ADAMTS17: variants seen among roughly 807,000 people sequenced by gnomAD.
ADAMTS17 encodes the protein ADAM metallopeptidase with thrombospondin type 1 motif 17.
In ADAMTS17, 113 loss-of-function variants were observed where a neutral mutation model predicts 141.5. The observed-to-expected ratio is 0.80, with a 90% CI of 0.69 to 0.93. ADAMTS17 has a LOEUF of 0.93. Ranked by LOEUF, ADAMTS17 falls within the 40% of genes least tolerant of loss-of-function variation. ADAMTS17 has a pLI of 0.00. For synonymous variants in ADAMTS17, 768 were observed against 630.6 expected, an observed-to-expected ratio of 1.22 and a Z score of -3.27; for missense variants, 1,659 against 1,517.9, an observed-to-expected ratio of 1.09 and a Z score of -1.54.
In ADAMTS17 at chr15:100,073,565, A is replaced by G. The variant is rs548980350; in HGVS notation, c.2138-19511T>C. Among the ~76,000 whole-genome samples the G allele has an allele frequency of 2.1e-3, 312 of 152,136 alleles. 1 individual carries two copies. Among genetic ancestry groups the G allele is most frequent in the African/African-American group, 7.0e-3 (290 of 41,442 alleles). On this transcript the variant is annotated intron_variant, in intron 15 of 21. Transcript: ENST00000268070. Reference sequence around the variant, plus strand: ...TAAAAAAATGTGGCACATATACACCATGGAATACTATGCAGCCATAAAAAA... The same window carrying G: ...TAAAAAAATGTGGCACATATACACCGTGGAATACTATGCAGCCATAAAAAA...
intron 17 of ADAMTS17, 55 bp downstream of exon 17, chr15:100,051,517 C>A: frequency 1.9e-6 from 3 of 1,611,148 alleles, no homozygotes; most frequent in Non-Finnish European, 2.5e-6. Context: ...AGATGCCTTT[C>A]TCCTTCCTTC....
At chr15:100,068,891 G>C (rs550374444) in intron 15 of ADAMTS17, among the ~76,000 whole-genome samples, 1 of 152,286 alleles carries the variant, frequency 6.6e-6, no homozygotes, top group South Asian at 2.1e-4. Context: ...AGGGAACAAA[G>C]GGACAGAGAA....
intron 3 of ADAMTS17, among the ~76,000 whole-genome samples, chr15:100,309,124 G>C (rs1205046668): frequency 1.3e-5 from 2 of 152,252 alleles, no homozygotes; most frequent in Non-Finnish European, 2.9e-5. Flanking sequence ...CACTTTGGGA[G>C]GCAGAGGTGG....
chr15:100,182,982 ATTCTTT>A lies in ADAMTS17; in HGVS notation c.1181+16330_1181+16335del, dbSNP rs953617532. On this transcript the variant is annotated intron_variant, in intron 8 of 21. Transcript: ENST00000268070. Reference sequence around the variant, plus strand: ...ACAATCTTTATCCTTTGCTTCTGGGATTCTTTTTCTTTTTCTTTTTTTTTGAGACAG... The same window carrying A: ...ACAATCTTTATCCTTTGCTTCTGGGATTCTTTTTCTTTTTTTTTGAGACAG... 2.8e-4 allele frequency among the ~76,000 whole-genome samples: 43 copies of A among 151,450 alleles called. 3 individuals carry two copies. Among genetic ancestry groups the A allele is most frequent in the African/African-American group, 2.4e-5 (1 of 41,154 alleles).
chr15:99,992,914 T>C (rs1596175141), intron 20 of ADAMTS17, 134 bp downstream of exon 20: 2 of 1,138,134 alleles, frequency 1.8e-6, no homozygotes, highest in Admixed American at 2.0e-5. Context: ...TTGCAGCGGG[T>C]GGAAGGAAAA....
At chr15:100,015,791 T>C (rs1380461459) in intron 18 of ADAMTS17, among the ~76,000 whole-genome samples, 1 of 152,236 alleles carries the variant, frequency 6.6e-6, no homozygotes, top group Non-Finnish European at 1.5e-5. Flanking sequence ...GTCTCACAGC[T>C]CTTAAGATTC....
At chr15:100,204,609 T>TCC (rs1399033274) in intron 7 of ADAMTS17, among the ~76,000 whole-genome samples, 1 of 152,212 alleles carries the variant, frequency 6.6e-6, no homozygotes, top group Non-Finnish European at 1.5e-5. Context: ...GACCCCTACC[T>TCC]CACACCACAT....
intron 3 of ADAMTS17, among the ~76,000 whole-genome samples, chr15:100,292,471 A>G (rs2044675591): frequency 7.1e-6 from 1 of 141,016 alleles, no homozygotes; most frequent in Non-Finnish European, 1.5e-5. Flanking sequence ...TATGAGAGAT[A>G]CTCACCCCGT....
intron 15 of ADAMTS17, among the ~76,000 whole-genome samples, chr15:100,068,235 A>C (rs1005468366): frequency 2.6e-5 from 4 of 152,140 alleles, no homozygotes; most frequent in African/African-American, 9.7e-5. Flanking sequence ...AGGCTTGAGT[A>C]GGTAAACAAA....
chr15:100,011,061 C>T (rs1356283213), intron 18 of ADAMTS17, among the ~76,000 whole-genome samples: 1 of 151,758 alleles, frequency 6.6e-6, no homozygotes, highest in Non-Finnish European at 1.5e-5. Context: ...ACAACGTTGT[C>T]TTTTGCTAAC....
rs1596271896 is a variant in ADAMTS17, at chr15:100,033,917, A to G, written c.2591+14940T>C. ...CACGATCACCTCCTTCCATTTCCACACCACAGCCATGGCTTCAGAGCAGAT... is the reference window on the plus strand; with the variant it reads ...CACGATCACCTCCTTCCATTTCCACGCCACAGCCATGGCTTCAGAGCAGAT... On this transcript the variant is annotated intron_variant, in intron 18 of 21. Transcript: ENST00000268070. Among the ~76,000 whole-genome samples, 4 of 152,134 alleles carry G rather than the reference A, an allele frequency of 2.6e-5. No individual in the cohort carries two copies. In the South Asian group the frequency reaches 8.3e-4, roughly 32 times the overall value.
chr15:100,217,057 C>G (rs1302905110), intron 7 of ADAMTS17, among the ~76,000 whole-genome samples: 5 of 152,112 alleles, frequency 3.3e-5, no homozygotes, highest in African/African-American at 1.2e-4. Context: ...AAATTTATAA[C>G]TAGACAACAG....
chr15:100,174,791 G>A (rs954672312), intron 8 of ADAMTS17, among the ~76,000 whole-genome samples: 1 of 152,172 alleles, frequency 6.6e-6, no homozygotes, highest in African/African-American at 2.4e-5. Context: ...TTCAAGCAAG[G>A]CACTGAAAGG....
rs942650617 is a variant in ADAMTS17, at chr15:100,341,684, C to T, written c.79+137G>A. On this transcript the variant is annotated intron_variant, in intron 1 of 21. Transcript: ENST00000268070. ...GAGCCACCCGATTCCCGTACTCCGGCCGCGGCCCGCGCCTCCTCCGCTCGG... is the reference window on the plus strand; with the variant it reads ...GAGCCACCCGATTCCCGTACTCCGGTCGCGGCCCGCGCCTCCTCCGCTCGG... 10 of 1,154,124 alleles carry T rather than the reference C, an allele frequency of 8.7e-6. No homozygotes were observed. The Admixed American group carries it at 3.3e-4, about 38-fold the overall frequency. 71.5% of individuals were successfully genotyped at this position (1,154,124 alleles called of 1,614,324 possible). A position where few individuals can be genotyped will look rare whatever the true frequency, so the allele number is the denominator to read the frequency against.
chr15:100,329,566 A>G (rs911269562), intron 3 of ADAMTS17, among the ~76,000 whole-genome samples: 2 of 151,522 alleles, frequency 1.3e-5, no homozygotes, highest in African/African-American at 4.9e-5. Flanking sequence ...AAATCCACAC[A>G]CAACCAACTG....
intron 3 of ADAMTS17, among the ~76,000 whole-genome samples, chr15:100,323,877 C>T (rs12903396): frequency 0.39 from 59,196 of 151,698 alleles, 12,357 homozygotes; most frequent in Middle Eastern, 0.53. Flanking sequence ...ATATCATAAT[C>T]GCTATAAAAG....
In ADAMTS17 at chr15:100,262,417, GCTGAAACATATTGTATAC is replaced by G; in HGVS notation, c.790_807del (p.Val264_Gln269del). The G allele has an allele frequency of 6.2e-7, 1 of 1,613,704 alleles. No homozygotes were observed. Among genetic ancestry groups the G allele is most frequent in the Non-Finnish European group, 8.5e-7 (1 of 1,179,800 alleles). On this transcript the variant is annotated inframe_deletion and splice_region_variant, in exon 5 of 22. Transcript: ENST00000268070. ...TTAATTTTAATCCCCAGGCTCTGGT[GCTGAAACATATTGTATAC>G]CTATCAAGACAGAAAAAAGAAATAA...
At chr15:100,031,267 A>AG (rs1224726960) in intron 18 of ADAMTS17, among the ~76,000 whole-genome samples, 4 of 152,214 alleles carry the variant, frequency 2.6e-5, no homozygotes, top group African/African-American at 9.7e-5. Flanking sequence ...AACAAATTGC[A>AG]TGTCTTCCTG....
chr15:100,102,301 G>C (rs1466201854), intron 14 of ADAMTS17, among the ~76,000 whole-genome samples: 1 of 149,528 alleles, frequency 6.7e-6, no homozygotes, highest in Non-Finnish European at 1.5e-5. Context: ...CTACATTTGA[G>C]GGCCGACCGA....
Sources: allele counts gnomAD v4.1 joint callset (sites outside exome capture counted in the v4.1 genomes callset), GRCh38; gene constraint gnomAD v4.1.1; transcripts MANE v1.5; gene names NCBI Gene and HGNC (gene_info 2026-07-23, HGNC 2026-07-21).